The following SNTG2 variants were observed in gnomAD, a reference collection of about 807,000 sequenced individuals.
The protein encoded by SNTG2 is gamma-2-syntrophin.
A neutral mutation model predicts 70.9 loss-of-function variants in SNTG2; 74 were observed. The ratio of observed to expected loss-of-function variants is 1.04; its 90% confidence interval spans 0.86 to 1.27. SNTG2 has a LOEUF of 1.27. Among genes scored for constraint, SNTG2 ranks in the 50% most tolerant of loss-of-function variants. SNTG2 has a pLI of 0.00. For missense variants in SNTG2, 717 were observed against 690.7 expected, an observed-to-expected ratio of 1.04 and a Z score of -0.43; for synonymous variants, 278 against 273.8, an observed-to-expected ratio of 1.02 and a Z score of -0.15.
chr2:1,004,686 T>G (rs1021810483), intron 1 of SNTG2, among the ~76,000 whole-genome samples: 3 of 152,178 alleles, frequency 2.0e-5, no homozygotes, highest in Admixed American at 1.3e-4. Flanking sequence ...TGTGGAGCGA[T>G]GGGGACTCTC....
intron 16 of SNTG2, among the ~76,000 whole-genome samples, chr2:1,318,556 G>A (rs1007770470): frequency 3.3e-5 from 5 of 152,242 alleles, no homozygotes; most frequent in Non-Finnish European, 7.3e-5. Context: ...CGTGCTGACC[G>A]CAGTGCCTGA....
At chr2:1,281,223 GTGTTTATGTGGTGTGGT>G (rs1558175659) in intron 14 of SNTG2, among the ~76,000 whole-genome samples, 8 of 143,980 alleles carry the variant, frequency 5.6e-5, no homozygotes, top group East Asian at 2.1e-4. Context: ...GTGTGTGTTT[GTGTTTATGTGGTGTGGT>G]GTGTGGTGTG....
intron 1 of SNTG2, among the ~76,000 whole-genome samples, chr2:1,021,115 T>A (rs193083076): frequency 6.6e-6 from 1 of 152,312 alleles, no homozygotes; most frequent in Admixed American, 6.5e-5. Context: ...CGTGTTTTGA[T>A]CTCTTCCAGT....
At chr2:1,272,078 G>A (rs888734396) in intron 14 of SNTG2, among the ~76,000 whole-genome samples, 4 of 152,126 alleles carry the variant, frequency 2.6e-5, no homozygotes, top group African/African-American at 9.7e-5. Flanking sequence ...CACGGACAGG[G>A]CCAGGGGGAT....
chr2:1,270,651 G>C (rs1031114518), intron 14 of SNTG2, among the ~76,000 whole-genome samples: 2 of 152,144 alleles, frequency 1.3e-5, no homozygotes, highest in African/African-American at 4.8e-5. Flanking sequence ...ACAAAATAGT[G>C]AGAAGGTGCC....
At chr2:1,205,447 A>G (rs6750092) in intron 8 of SNTG2, among the ~76,000 whole-genome samples, 49,303 of 152,088 alleles carry the variant, frequency 0.32, 8,541 homozygotes, top group East Asian at 0.66. Flanking sequence ...CTTTTTGTCA[A>G]CCCCAAAGAA....
Position 1,292,477 on chromosome 2 carries a change from T to G in SNTG2, c.1285-16017T>G, listed in dbSNP as rs142804596. ...TTCACTATTGAGTATGATGTTAATGTGGGCTTTTATATAAGGCCTTTATGA... is the reference window on the plus strand; with the variant it reads ...TTCACTATTGAGTATGATGTTAATGGGGGCTTTTATATAAGGCCTTTATGA... On this transcript the variant is annotated intron_variant, in intron 14 of 16. Coordinates refer to ENST00000308624, the MANE Select transcript of SNTG2 (RefSeq NM_018968.4). 4.3e-3 allele frequency among the ~76,000 whole-genome samples: 654 copies of G among 152,318 alleles called. 4 individuals are homozygous for G. Among genetic ancestry groups the G allele is most frequent in the African/African-American group, 0.015 (611 of 41,584 alleles).
chr2:1,055,248 A>G lies in SNTG2; in HGVS notation c.73-28270A>G, dbSNP rs373859296. 1.9e-3 allele frequency among the ~76,000 whole-genome samples: 282 copies of G among 152,368 alleles called. 2 individuals are homozygous for G. The highest frequency in any genetic ancestry group is 6.7e-3 in the African/African-American group (277 of 41,588). On this transcript the variant is annotated intron_variant, in intron 1 of 16. Transcript: ENST00000308624. ...TGGGAATGTGAGCTTGCCCCGGCCC[A>G]GGCCATCTGCCTGACTGTGCAGTTC... is the stretch of plus-strand genomic sequence containing the variant.
At chr2:987,893 G>A (rs114910509) in intron 1 of SNTG2, among the ~76,000 whole-genome samples, 1,904 of 152,234 alleles carry the variant, frequency 0.013, 13 homozygotes, top group Non-Finnish European at 0.018. Context: ...AGCGCTCTCC[G>A]CTCCATTTCT....
Position 1,247,341 on chromosome 2 carries a change from G to A in SNTG2, c.903G>A (p.Gly301=), listed in dbSNP as rs1475498950. ...CSPSDQVVHM[G]WVNEKLQGAD... ...CCCCTCTGCAGGTTGTGCATATGGG[G>A]TGGGTAAATGAGAAACTCCAAGGAG... Residue 301 remains glycine (G), a synonymous_variant, in exon 12 of 17, where the codon GGG becomes GGA. Transcript: ENST00000308624. 4 of 1,613,272 alleles carry A rather than the reference G, an allele frequency of 2.5e-6. No individual in the cohort carries two copies. The East Asian group carries it at 8.9e-5, about 36-fold the overall frequency.
chr2:1,041,524 G>A (rs945533740), intron 1 of SNTG2, among the ~76,000 whole-genome samples: 30 of 152,154 alleles, frequency 2.0e-4, no homozygotes, highest in Admixed American at 1.9e-3. Context: ...GTGGAGCCTG[G>A]TGGGAGGTGT....
At chr2:1,077,101 A>G (rs1160269172) in intron 1 of SNTG2, among the ~76,000 whole-genome samples, 2 of 152,212 alleles carry the variant, frequency 1.3e-5, no homozygotes, top group African/African-American at 4.8e-5. Context: ...CCTATAAATC[A>G]TAATGCACTT....
intron 14 of SNTG2, among the ~76,000 whole-genome samples, chr2:1,287,896 C>T (rs1417475411): frequency 6.6e-6 from 1 of 152,088 alleles, no homozygotes; most frequent in East Asian, 1.9e-4. Context: ...CTTTAAGACC[C>T]GAGAATGACC....
intron 9 of SNTG2, 150 bp downstream of exon 9, chr2:1,209,380 CAAGTT>C (rs1673889520): frequency 9.9e-7 from 1 of 1,009,276 alleles, no homozygotes; most frequent in Non-Finnish European, 1.5e-6. Context: ...TTGGAATAAA[CAAGTT>C]AAAGATAAAG....
chr2:1,226,014 AAAAAC>A (rs1474780373), intron 9 of SNTG2, among the ~76,000 whole-genome samples: 1 of 152,328 alleles, frequency 6.6e-6, no homozygotes, highest in East Asian at 1.9e-4. Flanking sequence ...AAAGAAAAAA[AAAAAC>A]CTTGCTGTGG....
chr2:1,257,273 T>C (rs1414551697), intron 12 of SNTG2, among the ~76,000 whole-genome samples: 1 of 152,140 alleles, frequency 6.6e-6, no homozygotes, highest in Non-Finnish European at 1.5e-5. Context: ...CACATTCTCT[T>C]CCCTGAATCA....
intron 16 of SNTG2, among the ~76,000 whole-genome samples, chr2:1,354,071 G>A (rs1029127072): frequency 6.6e-6 from 1 of 152,212 alleles, no homozygotes; most frequent in Non-Finnish European, 1.5e-5. Context: ...AAAGCACTCA[G>A]CTGTTGAAAA....
At chr2:1,009,952 A>G (rs1659683250) in intron 1 of SNTG2, among the ~76,000 whole-genome samples, 1 of 152,192 alleles carries the variant, frequency 6.6e-6, no homozygotes, top group Non-Finnish European at 1.5e-5. Flanking sequence ...TGTGCTACTG[A>G]TGTGCCTGAT....
chr2:982,097 G>A (rs1316363562), intron 1 of SNTG2, among the ~76,000 whole-genome samples: 3 of 152,240 alleles, frequency 2.0e-5, no homozygotes, highest in Admixed American at 6.5e-5. Flanking sequence ...TTCTTTGGCT[G>A]CTAATCTCTT....
Sources: allele counts gnomAD v4.1 joint callset (sites outside exome capture counted in the v4.1 genomes callset), GRCh38; gene constraint gnomAD v4.1.1; transcripts MANE v1.5; gene names NCBI Gene and HGNC (gene_info 2026-07-23, HGNC 2026-07-21).